The following CAMTA1 variants were observed in gnomAD, a reference collection of about 807,000 sequenced individuals.
The protein encoded by CAMTA1 is calmodulin-binding transcription activator 1.
Under a neutral mutation model 170.9 loss-of-function variants are expected in CAMTA1, and 27 were observed. That is an observed-to-expected ratio of 0.16 (90% CI 0.12 to 0.22). The LOEUF is 0.22. CAMTA1 is among the 10% of genes least tolerant of loss of function. The pLI is 1.00. For missense variants in CAMTA1, 1,619 were observed against 2,217.2 expected (o/e 0.73, Z 5.42); for synonymous variants, 833 against 891.5 (o/e 0.93, Z 1.17).
chr1:7,153,631 G>A (rs1371818160), intron 4 of CAMTA1, among the ~76,000 whole-genome samples: 3 of 152,108 alleles, frequency 2.0e-5, no homozygotes, highest in Admixed American at 6.6e-5. Flanking sequence ...AAGATGAGGC[G>A]AGTGACCGGC....
At chr1:7,615,171 G>A (rs1240605262) in intron 6 of CAMTA1, among the ~76,000 whole-genome samples, 1 of 152,234 alleles carries the variant, frequency 6.6e-6, no homozygotes, top group African/African-American at 2.4e-5. Context: ...TAAAGGGCAA[G>A]GTCAGTGCCA....
At chr1:7,610,296 G>T (rs919363257) in intron 6 of CAMTA1, among the ~76,000 whole-genome samples, 1 of 152,194 alleles carries the variant, frequency 6.6e-6, no homozygotes, top group Non-Finnish European at 1.5e-5. Flanking sequence ...TCCCCAAACC[G>T]GTGGCTCCCT....
At chr1:7,447,635 C>T (rs1044295434) in intron 5 of CAMTA1, among the ~76,000 whole-genome samples, 3 of 152,170 alleles carry the variant, frequency 2.0e-5, no homozygotes, top group Non-Finnish European at 4.4e-5. Context: ...CTCAGTGGAA[C>T]GGCAGGGACT....
chr1:7,327,337 A>G (rs1371832012), intron 5 of CAMTA1, among the ~76,000 whole-genome samples: 2 of 148,444 alleles, frequency 1.3e-5, no homozygotes, highest in Non-Finnish European at 3.0e-5. Flanking sequence ...AACCCGGGAG[A>G]CGGAGCTTGC....
At chr1:7,368,468 G>A (rs1361116822) in intron 5 of CAMTA1, among the ~76,000 whole-genome samples, 1 of 152,204 alleles carries the variant, frequency 6.6e-6, no homozygotes, top group Non-Finnish European at 1.5e-5. Flanking sequence ...GGCACTCATG[G>A]TTTCACTGGG....
chr1:7,616,444 C>A (rs1384542002), intron 6 of CAMTA1, among the ~76,000 whole-genome samples: 1 of 152,214 alleles, frequency 6.6e-6, no homozygotes, highest in East Asian at 1.9e-4. Context: ...AGAGATGAGG[C>A]AGGGAGGCAT....
At chr1:7,557,272 C>A (rs1240206449) in intron 6 of CAMTA1, among the ~76,000 whole-genome samples, 1 of 151,376 alleles carries the variant, frequency 6.6e-6, no homozygotes, top group Non-Finnish European at 1.5e-5. Flanking sequence ...CACGCCACTG[C>A]ACTCCAGCCT....
chr1:6,844,568 C>T (rs953396916), intron 3 of CAMTA1, among the ~76,000 whole-genome samples: 3 of 150,190 alleles, frequency 2.0e-5, no homozygotes, highest in Non-Finnish European at 4.4e-5. Context: ...TGCCTGTAGT[C>T]CCAGCTACTT....
At chr1:6,863,650 G>T (rs1571102116) in intron 3 of CAMTA1, among the ~76,000 whole-genome samples, 1 of 152,310 alleles carries the variant, frequency 6.6e-6, no homozygotes, top group African/African-American at 2.4e-5. Context: ...TTTAATTTAG[G>T]ATAGTTTCAG....
intron 3 of CAMTA1, among the ~76,000 whole-genome samples, chr1:6,950,585 A>G (rs545350659): frequency 6.6e-6 from 1 of 152,160 alleles, no homozygotes; most frequent in East Asian, 1.9e-4. Flanking sequence ...TGGCTGATGG[A>G]GTATTGTTGG....
intron 5 of CAMTA1, among the ~76,000 whole-genome samples, chr1:7,398,187 C>CTA (rs2089543163): frequency 1.8e-4 from 7 of 38,228 alleles, no homozygotes; most frequent in Non-Finnish European, 2.3e-4. Context: ...CTCTCTCTCT[C>CTA]TCTCTCTATA....
At chr1:7,247,621 C>G (rs1417322376) in intron 4 of CAMTA1, among the ~76,000 whole-genome samples, 1 of 152,190 alleles carries the variant, frequency 6.6e-6, no homozygotes, top group East Asian at 1.9e-4. Context: ...GAATGAGCCA[C>G]ACGCAGAGCC....
At chr1:7,599,937 TCTC>T (rs1208307562) in intron 6 of CAMTA1, among the ~76,000 whole-genome samples, 1 of 152,208 alleles carries the variant, frequency 6.6e-6, no homozygotes, top group African/African-American at 2.4e-5. Flanking sequence ...TTTATTTCCT[TCTC>T]CTGCCTGATT....
chr1:7,373,670 G>T (rs2086645418), intron 5 of CAMTA1, among the ~76,000 whole-genome samples: 1 of 152,176 alleles, frequency 6.6e-6, no homozygotes, highest in African/African-American at 2.4e-5. Context: ...AAATTATTTG[G>T]AGAGCAATAT....
rs1173637437 is a variant in CAMTA1 at position 7,680,819 on chromosome 1, C to A, written c.2914+3086C>A. 1.4e-5 allele frequency among the ~76,000 whole-genome samples: 2 copies of A among 142,748 alleles called. No homozygotes were observed. The highest frequency in any genetic ancestry group is 5.1e-5 in the African/African-American group (2 of 38,950). The allele number at this position is 142,748 out of a possible 152,430, so 93.6% of individuals were successfully genotyped here. On this transcript the variant is annotated intron_variant, in intron 11 of 22. Coordinates refer to ENST00000303635, the MANE Select transcript of CAMTA1 (RefSeq NM_015215.4). The surrounding 1 kb of genome is among the most constrained non-coding windows in gnomAD (Gnocchi z 4.4). ...TGCTTGGCTAAAGGCCGGGGGGGGG[C>A]GTGGGTCCGGGGCGCAGAGAACACG...
intron 3 of CAMTA1, among the ~76,000 whole-genome samples, chr1:6,890,091 A>G (rs2149129184): frequency 6.6e-6 from 1 of 152,350 alleles, no homozygotes; most frequent in South Asian, 2.1e-4. Flanking sequence ...AGAGGACGTC[A>G]GGCAGAGAGG....
chr1:7,040,504 A>G (rs989447722), intron 3 of CAMTA1, among the ~76,000 whole-genome samples: 1 of 152,134 alleles, frequency 6.6e-6, no homozygotes, highest in Non-Finnish European at 1.5e-5. Context: ...CATTAATTCC[A>G]TCAAGAATTC....
At chr1:6,888,296 G>A (rs1673759889) in intron 3 of CAMTA1, 1 of 971,886 alleles carries the variant, frequency 1.0e-6, no homozygotes, top group Non-Finnish European at 1.2e-6. Flanking sequence ...GTGAAAGTTT[G>A]GAAAGAAGCA....
rs1005327412 is a variant in CAMTA1 at position 7,609,342 on chromosome 1, T to C, written c.511-31058T>C. 6.6e-6 allele frequency among the ~76,000 whole-genome samples: 1 copy of C among 152,220 alleles called. No homozygotes were observed. Among genetic ancestry groups the C allele is most frequent in the Non-Finnish European group, 1.5e-5 (1 of 68,040 alleles). ...GACATCATGTTTACCCATCAGACGC[T>C]GTTTTCCTGACACTCAACACTCAAA... On this transcript the variant is annotated intron_variant, in intron 6 of 22. Coordinates refer to ENST00000303635, the MANE Select transcript of CAMTA1 (RefSeq NM_015215.4). The surrounding 1 kb of genome is among the most constrained non-coding windows in gnomAD (Gnocchi z 4.4).
Sources: gnomAD v4.1 joint callset for allele counts (sites outside exome capture counted in the v4.1 genomes callset) on GRCh38, gnomAD v4.1.1 for gene constraint, Gnocchi (gnomAD v3.1) non-coding constraint, MANE v1.5 for transcripts, NCBI Gene and HGNC (gene_info 2026-07-23, HGNC 2026-07-21) for gene names.